MLLT3: variants seen among roughly 807,000 people sequenced by gnomAD.
The protein encoded by MLLT3 is protein AF-9.
In MLLT3, 4 loss-of-function variants were observed where a neutral mutation model predicts 53.2. The observed-to-expected ratio is 0.08, with a 90% CI of 0.04 to 0.17. The LOEUF (loss-of-function observed/expected upper bound fraction) is 0.17, where lower values mean the gene tolerates loss of function less well. Ranked by LOEUF, MLLT3 falls within the 10% of genes least tolerant of loss-of-function variation. The pLI is 1.00. For missense variants in MLLT3, 569 were observed against 684.0 expected (o/e 0.83, Z 1.87); for synonymous variants, 283 against 230.6 (o/e 1.23, Z -2.06).
intron 2 of MLLT3, among the ~76,000 whole-genome samples, chr9:20,553,244 A>G (rs1023728479): frequency 1.3e-5 from 2 of 152,258 alleles, no homozygotes; most frequent in African/African-American, 4.8e-5. Flanking sequence ...TAACTGTAGA[A>G]AACAGTTTCA....
Position 20,386,109 on chromosome 9 carries a change from C to T in MLLT3, c.1126-20365G>A, listed in dbSNP as rs181009684. On this transcript the variant is annotated intron_variant, in intron 5 of 10. Transcript: ENST00000380338. ...TTCATATACAGAACATGTAGAGATG[C>T]CGTGCCATTTGGTTAACAGGGTCCA... 9.9e-5 allele frequency among the ~76,000 whole-genome samples: 15 copies of T among 152,226 alleles called. 1 individual carries two copies. The highest frequency in any genetic ancestry group is 6.5e-5 in the Admixed American group (1 of 15,290).
intron 5 of MLLT3, among the ~76,000 whole-genome samples, chr9:20,401,914 T>C (rs1364727714): frequency 6.6e-6 from 1 of 152,212 alleles, no homozygotes; most frequent in East Asian, 1.9e-4. Flanking sequence ...TGGGTATCTG[T>C]TCTGTTTCAA....
chr9:20,587,431 T>C (rs1587103748), intron 2 of MLLT3, among the ~76,000 whole-genome samples: 1 of 152,020 alleles, frequency 6.6e-6, no homozygotes, highest in African/African-American at 2.4e-5. Context: ...CTTCAGTGCA[T>C]AAGAGAGCCA....
chr9:20,470,185 A>G (rs1313073575), intron 2 of MLLT3, among the ~76,000 whole-genome samples: 1 of 149,406 alleles, frequency 6.7e-6, no homozygotes, highest in Non-Finnish European at 1.5e-5. Context: ...GTGTACACAT[A>G]CTACCTTCAA....
chr9:20,550,324 TGTGTA>T (rs1818895554), intron 2 of MLLT3, among the ~76,000 whole-genome samples: 2 of 152,222 alleles, frequency 1.3e-5, no homozygotes, highest in African/African-American at 4.8e-5. Flanking sequence ...TCATCAGAGA[TGTGTA>T]TTTCACCCTG....
intron 2 of MLLT3, among the ~76,000 whole-genome samples, chr9:20,611,566 C>A (rs1820703835): frequency 6.6e-6 from 1 of 151,978 alleles, no homozygotes; most frequent in Non-Finnish European, 1.5e-5. Flanking sequence ...TATCAACCTT[C>A]TAATATGTGT....
In MLLT3 at chr9:20,621,922, A is replaced by T. The variant is rs200512037; in HGVS notation, c.12+323T>A. On this transcript the variant is annotated intron_variant, in intron 1 of 10. Coordinates refer to ENST00000380338, the MANE Select transcript of MLLT3 (RefSeq NM_004529.4). This position sits in a 1 kb window ranked among gnomAD's most constrained non-coding sequence, Gnocchi z 7.0. ...TCCACCGTGTGTGTGTGTGTGTGTG[A>T]GTGCGCGCGTGTGAGCGAGAGGGAG... 2.8e-5 allele frequency: 37 copies of T among 1,330,380 alleles called. No homozygotes were observed. The highest frequency in any genetic ancestry group is 7.6e-5 in the Admixed American group (2 of 26,412). The allele number at this position is 1,330,380 out of a possible 1,614,324, so 82.4% of individuals were successfully genotyped here.
At chr9:20,535,040 C>G (rs1052226734) in intron 2 of MLLT3, among the ~76,000 whole-genome samples, 2 of 152,126 alleles carry the variant, frequency 1.3e-5, no homozygotes, top group Non-Finnish European at 2.9e-5. Flanking sequence ...GCAGGGGTCC[C>G]CAACTCCCAG....
In MLLT3 at chr9:20,413,979, A is replaced by C; in HGVS notation, c.867T>G (p.Asp289Glu). ...TTTTTTTGGCTGAGAGTTCTTCAGAATCTGAAATGGGCGGCCTTTTACTAG... is the reference window on the plus strand; with the variant it reads ...TTTTTTTGGCTGAGAGTTCTTCAGACTCTGAAATGGGCGGCCTTTTACTAG... ...KAPSKRPPIS[D>E]SEELSAKKRK... Residue 289 changes from aspartate to glutamate, a missense_variant, in exon 5 of 11, where the codon GAT (aspartate) becomes GAG (glutamate). Asp to Glu is a conservative substitution (Grantham distance 45, BLOSUM62 2). This residue lies in a region of MLLT3 where 437 missense variants were observed against 376.5 expected (regional missense o/e 1.16). Transcript: ENST00000380338. 6.2e-7 allele frequency: 1 copy of C among 1,614,074 alleles called. No homozygotes were observed. The highest frequency in any genetic ancestry group is 1.3e-5 in the African/African-American group (1 of 75,034).
intron 2 of MLLT3, among the ~76,000 whole-genome samples, chr9:20,477,764 T>C (rs763093464): frequency 3.9e-4 from 60 of 152,078 alleles, no homozygotes; most frequent in Non-Finnish European, 5.7e-4. Flanking sequence ...ATTATCAACC[T>C]AATCCCAATG....
In MLLT3 at chr9:20,343,683, A is replaced by G. The variant is rs1820797138; in HGVS notation, c.*2760T>C. ...TATCATACTCTGGCTGGTTCAAACC[A>G]TATTCACATTTACCCAATTAATTTT... On this transcript the variant is annotated 3_prime_UTR_variant, in exon 11 of 11. Transcript: ENST00000380338. 4.5e-6 allele frequency: 1 copy of G among 224,346 alleles called. No individual in the cohort carries two copies. The highest frequency in any genetic ancestry group is 2.2e-5 in the African/African-American group (1 of 44,840). 13.9% of individuals were successfully genotyped at this position (224,346 alleles called of 1,614,324 possible). A position where few individuals can be genotyped will look rare whatever the true frequency, so the allele number is the denominator to read the frequency against.
intron 7 of MLLT3, among the ~76,000 whole-genome samples, chr9:20,362,494 C>T (rs923340428): frequency 2.0e-5 from 3 of 152,058 alleles, no homozygotes; most frequent in Non-Finnish European, 4.4e-5. Context: ...TGTTATAAGG[C>T]CATGGGCATA....
intron 5 of MLLT3, among the ~76,000 whole-genome samples, chr9:20,371,643 T>G (rs529183980): frequency 6.6e-6 from 1 of 152,178 alleles, no homozygotes; most frequent in Non-Finnish European, 1.5e-5. Context: ...CAATAAAAGA[T>G]CCGTTTCAAA....
chr9:20,576,418 T>A (rs1007837939), intron 2 of MLLT3, among the ~76,000 whole-genome samples: 1 of 152,232 alleles, frequency 6.6e-6, no homozygotes, highest in South Asian at 2.1e-4. Context: ...ACAAGAGATC[T>A]AGGTTTTGGC....
At chr9:20,388,172 C>CTTGG (rs149043980) in intron 5 of MLLT3, among the ~76,000 whole-genome samples, 60 of 152,272 alleles carry the variant, frequency 3.9e-4, no homozygotes, top group African/African-American at 1.3e-3. Context: ...AAAATATGTA[C>CTTGG]TTGTTTCTTT....
At chr9:20,547,055 G>T (rs1056453410) in intron 2 of MLLT3, among the ~76,000 whole-genome samples, 1 of 152,044 alleles carries the variant, frequency 6.6e-6, no homozygotes, top group African/African-American at 2.4e-5. Flanking sequence ...TCTTGAATCT[G>T]GTGCCATCCC....
intron 2 of MLLT3, among the ~76,000 whole-genome samples, chr9:20,581,048 G>A (rs1247880710): frequency 2.0e-5 from 3 of 152,136 alleles, no homozygotes; most frequent in Admixed American, 6.5e-5. Context: ...GAACACACCC[G>A]TTTATTTTGG....
At chr9:20,522,530 A>G (rs772421259) in intron 2 of MLLT3, among the ~76,000 whole-genome samples, 1 of 152,168 alleles carries the variant, frequency 6.6e-6, no homozygotes, top group African/African-American at 2.4e-5. Context: ...TTTTGAGGTC[A>G]TATGTGATAT....
intron 2 of MLLT3, among the ~76,000 whole-genome samples, chr9:20,583,776 G>A (rs1000772242): frequency 6.6e-6 from 1 of 152,104 alleles, no homozygotes; most frequent in Non-Finnish European, 1.5e-5. Flanking sequence ...TGGGGACCCT[G>A]GGCCCAGCCC....
Sources: gnomAD v4.1 joint callset for allele counts (sites outside exome capture counted in the v4.1 genomes callset) on GRCh38, gnomAD v4.1.1 for gene constraint, gnomAD v4.1.1 regional missense constraint, Gnocchi (gnomAD v3.1) non-coding constraint, MANE v1.5 for transcripts, NCBI Gene and HGNC (gene_info 2026-07-23, HGNC 2026-07-21) for gene names.